KDM4C: variants seen among roughly 807,000 people sequenced by gnomAD.
KDM4C encodes lysine-specific demethylase 4C.
A neutral mutation model predicts 129.3 loss-of-function variants in KDM4C; 81 were observed. The ratio of observed to expected loss-of-function variants is 0.63; its 90% CI spans 0.52 to 0.75. The LOEUF (loss-of-function observed/expected upper bound fraction) is 0.75, where lower values mean the gene tolerates loss of function less well. Ranked by LOEUF, KDM4C falls within the 30% of genes least tolerant of loss-of-function variation. KDM4C has a pLI of 0.00. For synonymous variants in KDM4C, 573 were observed against 456.1 expected (o/e 1.26, Z -3.26); for missense variants, 1,457 against 1,304.0 (o/e 1.12, Z -1.81).
At chr9:6,882,577 T>G (rs1844619626) in intron 6 of KDM4C, among the ~76,000 whole-genome samples, 1 of 152,222 alleles carries the variant, frequency 6.6e-6, no homozygotes, top group Non-Finnish European at 1.5e-5. Context: ...TGCAGCCAGT[T>G]TTGAAAGTGT....
intron 1 of KDM4C, chr9:6,735,196 C>G (rs1282244640): frequency 4.7e-6 from 1 of 210,564 alleles, no homozygotes; most frequent in African/African-American, 2.3e-5. Context: ...GAAATTGGCT[C>G]TGCAGAAACA....
At chr9:6,895,514 C>G (rs1167775189) in intron 8 of KDM4C, among the ~76,000 whole-genome samples, 1 of 152,142 alleles carries the variant, frequency 6.6e-6, no homozygotes, top group East Asian at 1.9e-4. Flanking sequence ...TCAAAGATCT[C>G]TGGGATTAGG....
chr9:6,992,864 G>A (rs1316267636), intron 12 of KDM4C, among the ~76,000 whole-genome samples: 2 of 152,176 alleles, frequency 1.3e-5, no homozygotes, highest in African/African-American at 2.4e-5. Context: ...GTTGGTGAAC[G>A]AGCATTTCTC....
At chr9:7,125,777 C>G (rs532307167) in intron 18 of KDM4C, among the ~76,000 whole-genome samples, 24 of 152,268 alleles carry the variant, frequency 1.6e-4, no homozygotes, top group Non-Finnish European at 2.9e-4. Flanking sequence ...TAATTTTGGT[C>G]CCTTGGGGAT....
chr9:7,107,489 C>CCTTAGAAGTCG (rs1837826229), intron 18 of KDM4C, among the ~76,000 whole-genome samples: 1 of 152,178 alleles, frequency 6.6e-6, no homozygotes, highest in East Asian at 1.9e-4. Context: ...ATGTTTTTTC[C>CCTTAGAAGTCG]TGGCAAGTTA....
chr9:6,835,055 C>G, intron 4 of KDM4C: 2 of 959,560 alleles, frequency 2.1e-6, no homozygotes, highest in South Asian at 2.6e-5. Flanking sequence ...AGCTTCACCA[C>G]CACGGCTGAG....
chr9:6,746,262 G>GTTTTT (rs778939269), intron 1 of KDM4C, among the ~76,000 whole-genome samples: 2 of 61,192 alleles, frequency 3.3e-5, no homozygotes, highest in African/African-American at 7.4e-5. Context: ...ATATATATAT[G>GTTTTT]TTTTTTTTTT....
chr9:7,037,209 G>C (rs986803927), intron 15 of KDM4C, among the ~76,000 whole-genome samples: 4 of 152,166 alleles, frequency 2.6e-5, no homozygotes, highest in African/African-American at 9.7e-5. Flanking sequence ...GAACGTGTCA[G>C]ATAAATGAGG....
At chr9:6,842,529 G>A (rs994882086) in intron 4 of KDM4C, among the ~76,000 whole-genome samples, 4 of 151,786 alleles carry the variant, frequency 2.6e-5, no homozygotes, top group Non-Finnish European at 5.9e-5. Flanking sequence ...AGTAGAGATG[G>A]AGTTTCACCA....
intron 17 of KDM4C, among the ~76,000 whole-genome samples, chr9:7,102,408 C>G (rs992540746): frequency 1.5e-4 from 20 of 131,684 alleles, no homozygotes; most frequent in Non-Finnish European, 2.9e-4. Flanking sequence ...ACATGAGATT[C>G]GTGTTGTAAA....
At chr9:7,115,597 C>A (rs1838808021) in intron 18 of KDM4C, among the ~76,000 whole-genome samples, 1 of 152,172 alleles carries the variant, frequency 6.6e-6, no homozygotes, top group Admixed American at 6.5e-5. Context: ...ACCTTAGATA[C>A]TGACAAAATG....
At chr9:6,934,705 G>A (rs568226702) in intron 8 of KDM4C, among the ~76,000 whole-genome samples, 7 of 151,686 alleles carry the variant, frequency 4.6e-5, no homozygotes, top group African/African-American at 1.7e-4. Flanking sequence ...CTCGTGATCC[G>A]CCCACCTCGG....
intron 8 of KDM4C, among the ~76,000 whole-genome samples, chr9:6,960,795 C>T (rs1829908690): frequency 6.6e-6 from 1 of 152,156 alleles, no homozygotes; most frequent in South Asian, 2.1e-4. Flanking sequence ...GCAATATTGT[C>T]ATTTTTAGCA....
intron 2 of KDM4C, among the ~76,000 whole-genome samples, chr9:6,798,240 C>T (rs966624904): frequency 1.5e-5 from 2 of 132,278 alleles, no homozygotes; most frequent in Non-Finnish European, 3.1e-5. Flanking sequence ...CAAGCAACTT[C>T]CTTTTTTCTT....
intron 8 of KDM4C, among the ~76,000 whole-genome samples, chr9:6,935,536 G>T (rs1589191941): frequency 6.6e-6 from 1 of 151,038 alleles, no homozygotes; most frequent in Admixed American, 6.6e-5. Context: ...TCCTGCCTTG[G>T]CCTCCCAAGT....
chr9:6,924,136 T>A (rs567268376), intron 8 of KDM4C, among the ~76,000 whole-genome samples: 107 of 152,236 alleles, frequency 7.0e-4, no homozygotes, highest in Non-Finnish European at 1.3e-3. Flanking sequence ...TTAAAAAAAG[T>A]TAGCTGTGGT....
intron 12 of KDM4C, among the ~76,000 whole-genome samples, chr9:7,003,010 G>A (rs1821011442): frequency 6.6e-6 from 1 of 152,178 alleles, no homozygotes; most frequent in Non-Finnish European, 1.5e-5. Flanking sequence ...GCAGGCGCCT[G>A]CCACCATTCT....
chr9:6,902,102 A>G (rs1015116039), intron 8 of KDM4C, among the ~76,000 whole-genome samples: 2 of 151,946 alleles, frequency 1.3e-5, no homozygotes, highest in Non-Finnish European at 2.9e-5. Flanking sequence ...TGCATCTTCT[A>G]TTTTTTTCCA....
Position 6,838,826 on chromosome 9 carries a change from T to G in KDM4C, c.436-10681T>G, listed in dbSNP as rs146577975. The stretch of plus-strand genomic sequence containing the variant: ...ATGATTAACTATAAGCAAAATGTAC[T>G]GCATACGGATCTATTCTCATTGTGT... On this transcript the variant is annotated intron_variant, in intron 4 of 21. Coordinates refer to ENST00000381309, the MANE Select transcript of KDM4C (RefSeq NM_015061.6). Among the ~76,000 whole-genome samples, 297 of 152,354 alleles carry G rather than the reference T, an allele frequency of 1.9e-3. 1 individual carries two copies. Among genetic ancestry groups the G allele is most frequent in the African/African-American group, 6.9e-3 (288 of 41,578 alleles).
Sources: gnomAD v4.1 joint callset for allele counts (sites outside exome capture counted in the v4.1 genomes callset) on GRCh38, gnomAD v4.1.1 for gene constraint, MANE v1.5 for transcripts, NCBI Gene and HGNC (gene_info 2026-07-23, HGNC 2026-07-21) for gene names.